The following RXFP1 variants were observed in gnomAD, a reference collection of about 807,000 sequenced individuals.
RXFP1 encodes relaxin family peptide receptor 1.
Under a neutral mutation model 89.8 loss-of-function variants are expected in RXFP1, and 73 were observed. That is an observed-to-expected ratio of 0.81 (90% confidence interval 0.67 to 0.99). The LOEUF (loss-of-function observed/expected upper bound fraction) is 0.99, where lower values mean the gene tolerates loss of function less well. Among genes scored for constraint, RXFP1 ranks in the 50% least tolerant of loss-of-function variants. RXFP1 has a pLI of 0.00. For missense variants in RXFP1, 793 were observed against 895.5 expected (o/e 0.89, Z 1.46); for synonymous variants, 277 against 305.5 (o/e 0.91, Z 0.97).
chr4:158,593,211 T>C (rs573580129), intron 2 of RXFP1, among the ~76,000 whole-genome samples, 190 bp from the exon 3 acceptor site: 1 of 152,284 alleles, frequency 6.6e-6, no homozygotes, highest in East Asian at 1.9e-4. Flanking sequence ...GGAGCCCATC[T>C]CAGACTATAA....
chr4:158,629,704 G>A (rs9986078), intron 11 of RXFP1, among the ~76,000 whole-genome samples: 2,736 of 151,960 alleles, frequency 0.018, 88 homozygotes, highest in African/African-American at 0.062. Context: ...ATAGCTCACC[G>A]TAACCTCGAA....
intron 9 of RXFP1, among the ~76,000 whole-genome samples, chr4:158,619,827 A>T (rs1158332262): frequency 6.6e-6 from 1 of 152,158 alleles, no homozygotes; most frequent in Non-Finnish European, 1.5e-5. Context: ...ACCAACAAAA[A>T]AAAAAACCAC....
At chr4:158,554,458 A>AT (rs1235832346) in intron 1 of RXFP1, among the ~76,000 whole-genome samples, 1 of 152,188 alleles carries the variant, frequency 6.6e-6, no homozygotes, top group African/African-American at 2.4e-5. Flanking sequence ...ACAAGCATAT[A>AT]TGTCTTTTAT....
chr4:158,565,170 G>A (rs1753293727), intron 1 of RXFP1, among the ~76,000 whole-genome samples: 1 of 152,128 alleles, frequency 6.6e-6, no homozygotes, highest in Non-Finnish European at 1.5e-5. Flanking sequence ...AAGAGGATCT[G>A]TCAAGATAAT....
intron 1 of RXFP1, among the ~76,000 whole-genome samples, chr4:158,569,090 A>G (rs1205099285): frequency 6.6e-6 from 1 of 152,242 alleles, no homozygotes; most frequent in Non-Finnish European, 1.5e-5. Context: ...TGGCCAACAC[A>G]AAAACCTGCA....
intron 12 of RXFP1, 104 bp from the exon 13 acceptor site, chr4:158,637,904 C>T: frequency 1.4e-6 from 1 of 700,152 alleles, no homozygotes; most frequent in Non-Finnish European, 2.6e-6. Context: ...TTATTGTATA[C>T]TTTCGTTCAT....
intron 1 of RXFP1, among the ~76,000 whole-genome samples, chr4:158,541,938 G>T (rs1340152052): frequency 2.0e-5 from 3 of 150,332 alleles, no homozygotes; most frequent in Non-Finnish European, 3.0e-5. Flanking sequence ...TTGTTTTTTT[G>T]AGATGGAATC....
intron 1 of RXFP1, among the ~76,000 whole-genome samples, chr4:158,548,886 T>G (rs567443355): frequency 1.2e-4 from 18 of 152,234 alleles, no homozygotes; most frequent in African/African-American, 4.3e-4. Context: ...CCTTAACATT[T>G]TTTCCTTCAT....
intron 9 of RXFP1, among the ~76,000 whole-genome samples, chr4:158,623,072 C>A (rs1228878909): frequency 6.6e-6 from 1 of 152,106 alleles, no homozygotes; most frequent in African/African-American, 2.4e-5. Flanking sequence ...CATTAAACAA[C>A]ACAATGACAT....
At chr4:158,627,854 T>C (rs749656258) in intron 10 of RXFP1, among the ~76,000 whole-genome samples, 5 of 152,212 alleles carry the variant, frequency 3.3e-5, no homozygotes, top group African/African-American at 4.8e-5. Flanking sequence ...AATAGATATC[T>C]GAAAAACTTA....
At chr4:158,619,707 A>C (rs1335144164) in intron 9 of RXFP1, among the ~76,000 whole-genome samples, 1 of 152,166 alleles carries the variant, frequency 6.6e-6, no homozygotes, top group Non-Finnish European at 1.5e-5. Context: ...AGGGAACAAA[A>C]GCATCAAGCC....
intron 9 of RXFP1, among the ~76,000 whole-genome samples, chr4:158,619,410 C>A (rs1381235652): frequency 2.0e-5 from 3 of 152,180 alleles, no homozygotes; most frequent in Non-Finnish European, 4.4e-5. Context: ...GACATACATA[C>A]TATTTCACCT....
intron 1 of RXFP1, among the ~76,000 whole-genome samples, chr4:158,525,716 G>A (rs1404309224): frequency 1.3e-5 from 2 of 152,156 alleles, no homozygotes; most frequent in Non-Finnish European, 2.9e-5. Context: ...AACAATGTAA[G>A]TGCTTTACAA....
At chr4:158,529,054 T>C (rs1273242885) in intron 1 of RXFP1, among the ~76,000 whole-genome samples, 3 of 152,304 alleles carry the variant, frequency 2.0e-5, no homozygotes, top group East Asian at 1.9e-4. Context: ...TTTCCTGAGA[T>C]AGAGTAACAT....
chr4:158,545,808 T>C (rs1473480316), intron 1 of RXFP1, among the ~76,000 whole-genome samples: 2 of 152,210 alleles, frequency 1.3e-5, no homozygotes, highest in Non-Finnish European at 2.9e-5. Context: ...CATTGATCTA[T>C]ATCTCTGTTT....
At position 158,579,625 on chromosome 4, in the gene RXFP1, A is replaced by C. The variant is rs536240132; in HGVS notation, c.187+6790A>C. On this transcript the variant is annotated intron_variant, in intron 2 of 17. Coordinates refer to ENST00000307765, the MANE Select transcript of RXFP1 (RefSeq NM_021634.4). ...ATTTGTTACAGCAGCCCTGGGGAAC[A>C]ATGCATGTTAGGACAGTTTGTGGAG... 1.5e-3 allele frequency among the ~76,000 whole-genome samples: 235 copies of C among 152,344 alleles called. 1 individual carries two copies. Among genetic ancestry groups the C allele is most frequent in the Non-Finnish European group, 2.1e-3 (142 of 68,024 alleles).
intron 1 of RXFP1, among the ~76,000 whole-genome samples, chr4:158,548,856 C>T (rs1241686549): frequency 1.1e-4 from 16 of 151,760 alleles, no homozygotes; most frequent in East Asian, 7.7e-4. Flanking sequence ...GTGGGTAACC[C>T]GACCTTTCTC....
intron 2 of RXFP1, among the ~76,000 whole-genome samples, chr4:158,593,195 G>T (rs910168264): frequency 6.6e-6 from 1 of 151,976 alleles, no homozygotes; most frequent in Non-Finnish European, 1.5e-5. Flanking sequence ...TTAAAATGGT[G>T]ACTAGGGAGC....
intron 15 of RXFP1, among the ~76,000 whole-genome samples, chr4:158,646,152 G>A (rs996337001): frequency 2.0e-5 from 3 of 152,086 alleles, no homozygotes; most frequent in African/African-American, 7.2e-5. Flanking sequence ...TCCTGGGATC[G>A]GAGACCCTAA....
Sources: gnomAD v4.1 joint callset for allele counts (sites outside exome capture counted in the v4.1 genomes callset) on GRCh38, gnomAD v4.1.1 for gene constraint, MANE v1.5 for transcripts, NCBI Gene and HGNC (gene_info 2026-07-23, HGNC 2026-07-21) for gene names.